TEX11: variants seen among roughly 807,000 people sequenced by gnomAD.
The protein encoded by TEX11 is testis expressed 11.
In TEX11, 7 loss-of-function variants were observed where a neutral mutation model predicts 84.4. The ratio of observed to expected loss-of-function variants is 0.08; its 90% CI spans 0.05 to 0.16. TEX11 has a LOEUF of 0.16. Ranked by LOEUF, TEX11 falls within the 10% of genes least tolerant of loss-of-function variation. The pLI is 1.00. For missense variants in TEX11, 551 were observed against 660.5 expected, an observed-to-expected ratio of 0.83 and a Z score of 1.82; for synonymous variants, 264 against 222.8, an observed-to-expected ratio of 1.18 and a Z score of -1.64.
At chrX:70,580,138 T>C (rs930137542) in intron 25 of TEX11, among the ~76,000 whole-genome samples, 3 of 112,072 alleles carry the variant, frequency 2.7e-5, no homozygotes, top group Admixed American at 9.5e-5. Context: ...AAGAATGAGA[T>C]CTAGTCATTT....
At chrX:70,730,653 C>T (rs2090640617) in intron 11 of TEX11, among the ~76,000 whole-genome samples, 1 of 111,729 alleles carries the variant, frequency 9.0e-6, no homozygotes, top group South Asian at 3.8e-4. Flanking sequence ...ATTCATAAAG[C>T]AAGTCCTTAG....
At chrX:70,612,047 A>T (rs2089267045) in intron 20 of TEX11, among the ~76,000 whole-genome samples, 1 of 110,175 alleles carries the variant, frequency 9.1e-6, no homozygotes, top group East Asian at 2.9e-4. Flanking sequence ...AGGTGTGAGG[A>T]TCACTTGGGC....
chrX:70,514,232 T>G, the TEX11 span, among the ~76,000 whole-genome samples: 1 of 109,545 alleles, frequency 9.1e-6, no homozygotes, highest in Non-Finnish European at 1.9e-5. Context: ...GAATGGGAGA[T>G]GACGTTGTGC....
intron 9 of TEX11, among the ~76,000 whole-genome samples, chrX:70,749,136 C>T (rs1425607138): frequency 2.9e-4 from 31 of 107,294 alleles, no homozygotes; most frequent in Non-Finnish European, 4.4e-4. Context: ...AGGTCCTTCA[C>T]ATCCCTTGTA....
chrX:70,791,802 T>A (rs1377451676), intron 9 of TEX11, among the ~76,000 whole-genome samples: 4 of 111,545 alleles, frequency 3.6e-5, no homozygotes, highest in African/African-American at 9.8e-5. Context: ...AAAAAATACT[T>A]TGAAATTAAT....
intron 9 of TEX11, among the ~76,000 whole-genome samples, chrX:70,751,637 CA>C (rs752785948): frequency 3.7e-5 from 4 of 107,588 alleles, no homozygotes; most frequent in Admixed American, 2.0e-4. Context: ...GTATAATAAA[CA>C]AAAAAAAGAA....
chrX:70,542,824 G>A (rs181296380), intron 28 of TEX11, among the ~76,000 whole-genome samples: 92 of 112,148 alleles, frequency 8.2e-4, no homozygotes, highest in African/African-American at 2.8e-3. Context: ...GGAGATGCAC[G>A]GCACATTCAA....
In TEX11 at chrX:70,720,196, AG is replaced by A. The variant is rs2090545478; in HGVS notation, c.1004+2421del. On this transcript the variant is annotated intron_variant, in intron 13 of 29. Coordinates refer to ENST00000374333, the MANE Select transcript of TEX11 (RefSeq NM_031276.3). ...CATGGAATATTATGCAGCCATAAAA[AG>A]GATGAGTCCCTGTCCTATGTAGGGA... Among the ~76,000 whole-genome samples the A allele has an allele frequency of 2.7e-5, 3 of 111,963 alleles. No homozygotes were observed. The South Asian group carries it at 1.1e-3, about 42-fold the overall frequency.
intron 8 of TEX11, among the ~76,000 whole-genome samples, chrX:70,827,452 C>A (rs761871279): frequency 1.8e-5 from 2 of 111,629 alleles, no homozygotes; most frequent in African/African-American, 6.5e-5. Context: ...GTCCCCAAAT[C>A]CAGGTGTAGC....
At chrX:70,537,295 A>T (rs1484761784) in intron 28 of TEX11, among the ~76,000 whole-genome samples, 1 of 111,489 alleles carries the variant, frequency 9.0e-6, no homozygotes, top group African/African-American at 3.3e-5. Context: ...CAAAAAGTTG[A>T]CAAGAATAAA....
At chrX:70,853,546 T>A (rs907579073) in intron 5 of TEX11, among the ~76,000 whole-genome samples, 2 of 111,606 alleles carry the variant, frequency 1.8e-5, no homozygotes, top group African/African-American at 6.5e-5. Context: ...ATAGCAAAAA[T>A]TAATAGACTT....
At chrX:70,605,545 G>T in intron 23 of TEX11, 28 bp from the exon 24 acceptor site, 1 of 987,388 alleles carries the variant, frequency 1.0e-6, no homozygotes, top group South Asian at 2.1e-5. Context: ...GAACATCAAT[G>T]AATAGTGAGA....
intron 13 of TEX11, among the ~76,000 whole-genome samples, chrX:70,697,881 G>A (rs1417088119): frequency 9.0e-6 from 1 of 111,695 alleles, no homozygotes; most frequent in African/African-American, 3.2e-5. Context: ...CAAAGTGGAG[G>A]AACAAGAACT....
chrX:70,856,367 T>C (rs1206976553), intron 5 of TEX11, among the ~76,000 whole-genome samples: 1 of 110,870 alleles, frequency 9.0e-6, no homozygotes. Context: ...ATATTTTATA[T>C]AAATTTTGTA....
At chrX:70,644,980 G>A (rs2147597579) in intron 17 of TEX11, among the ~76,000 whole-genome samples, 1 of 109,631 alleles carries the variant, frequency 9.1e-6, no homozygotes, top group African/African-American at 3.3e-5. Context: ...CAGTACAGCT[G>A]GTACCAGAGA....
intron 16 of TEX11, among the ~76,000 whole-genome samples, chrX:70,658,419 A>T (rs1423020347): frequency 8.9e-6 from 1 of 111,941 alleles, no homozygotes; most frequent in Non-Finnish European, 1.9e-5. Context: ...TCAGTCTCAA[A>T]AAAACAAACA....
intron 9 of TEX11, among the ~76,000 whole-genome samples, chrX:70,744,529 T>A (rs1046142030): frequency 1.8e-5 from 2 of 108,570 alleles, no homozygotes; most frequent in African/African-American, 6.6e-5. Context: ...CTGCACTAAA[T>A]AGGTATAATT....
intron 13 of TEX11, among the ~76,000 whole-genome samples, chrX:70,693,852 A>T (rs1389589729): frequency 1.8e-5 from 2 of 111,905 alleles, no homozygotes; most frequent in Non-Finnish European, 3.8e-5. Context: ...TTCACAATGT[A>T]TGCATATATC....
chrX:70,670,247 A>G, intron 16 of TEX11, 130 bp downstream of exon 16: 1 of 674,098 alleles, frequency 1.5e-6, no homozygotes, highest in Non-Finnish European at 2.2e-6. Context: ...TGTCAATTTG[A>G]CCTTGTTCTA....
Sources: allele counts gnomAD v4.1 joint callset (sites outside exome capture counted in the v4.1 genomes callset), GRCh38; gene constraint gnomAD v4.1.1; transcripts MANE v1.5; gene names NCBI Gene and HGNC (gene_info 2026-07-23, HGNC 2026-07-21).